The following MPRIP variants were observed in gnomAD, a reference collection of about 807,000 sequenced individuals.
The protein encoded by MPRIP is myosin phosphatase Rho interacting protein.
Under a neutral mutation model 234.9 loss-of-function variants are expected in MPRIP, and 59 were observed. The ratio of observed to expected loss-of-function variants is 0.25; its 90% CI spans 0.20 to 0.31. The LOEUF (loss-of-function observed/expected upper bound fraction) is 0.31. Ranked by LOEUF, MPRIP falls within the 10% of genes least tolerant of loss-of-function variation. MPRIP has a pLI of 1.00. For missense variants in MPRIP, 2,436 were observed against 3,071.0 expected (o/e 0.79, Z 4.89); for synonymous variants, 1,144 against 1,263.9 (o/e 0.91, Z 2.01).
intron 3 of MPRIP, among the ~76,000 whole-genome samples, chr17:17,099,761 T>C (rs778117747): frequency 6.6e-6 from 1 of 152,082 alleles, no homozygotes; most frequent in Admixed American, 6.6e-5. Flanking sequence ...ATAAAAAATA[T>C]ATAAAGATTG....
chr17:17,053,002 T>A (rs931996462), intron 1 of MPRIP, among the ~76,000 whole-genome samples: 1 of 152,032 alleles, frequency 6.6e-6, no homozygotes, highest in South Asian at 2.1e-4. Flanking sequence ...GAGCCCCAGC[T>A]GAGCCAGAGA....
rs1258191303 is a variant in MPRIP at position 17,166,246 on chromosome 17, C to A, written c.4655C>A (p.Ser1552Tyr). 7.7e-7 allele frequency: 1 copy of A among 1,304,054 alleles called. No homozygotes were observed. The highest frequency in any genetic ancestry group is 2.3e-5 in the Admixed American group (1 of 43,546). The allele number at this position is 1,304,054 out of a possible 1,614,324, so 80.8% of individuals were successfully genotyped here. A position where few individuals can be genotyped will look rare whatever the true frequency, so the allele number is the denominator to read the frequency against. Residue 1552 changes from serine to tyrosine, a missense_variant, in exon 16 of 24, where the codon TCC becomes TAC. Coordinates refer to ENST00000651222, the MANE Select transcript of MPRIP (RefSeq NM_001364716.4). The surrounding 1 kb of genome is among the most constrained non-coding windows in gnomAD (Gnocchi z 4.4). The part of the protein sequence containing the change: ...NGKPASLQQC[S>Y]QSELTEQEQV... ...AAGCCTGCCTCCCTGCAGCAGTGCT[C>A]CCAGTCTGAGTTGACAGAGCAGGAG...
At chr17:17,159,898 G>GT (rs1255019839) in intron 14 of MPRIP, among the ~76,000 whole-genome samples, 1 of 152,194 alleles carries the variant, frequency 6.6e-6, no homozygotes, top group Non-Finnish European at 1.5e-5. Context: ...ATGAGGCTGA[G>GT]TTACCACCAG....
chr17:17,114,969 G>A (rs2090254496), intron 3 of MPRIP, among the ~76,000 whole-genome samples: 1 of 152,252 alleles, frequency 6.6e-6, no homozygotes, highest in South Asian at 2.1e-4. Context: ...TTCTAACTAT[G>A]CCCCTGGGAA....
intron 13 of MPRIP, among the ~76,000 whole-genome samples, chr17:17,157,628 A>AG (rs1356332313): frequency 6.6e-6 from 1 of 152,202 alleles, no homozygotes; most frequent in East Asian, 1.9e-4. Context: ...CAGGAGTTTG[A>AG]GACCAGCCTG....
intron 2 of MPRIP, chr17:17,076,932 T>G (rs550999428): frequency 7.0e-6 from 1 of 142,758 alleles, no homozygotes; most frequent in South Asian, 2.2e-4. Context: ...TGTTGGGCTC[T>G]TTGCTTTTTT....
chr17:17,181,308 C>T (rs1597528808), intron 23 of MPRIP, among the ~76,000 whole-genome samples: 3 of 152,196 alleles, frequency 2.0e-5, no homozygotes, highest in South Asian at 2.1e-4. Flanking sequence ...GAGTAGTTGC[C>T]GGCTCAGTAG....
intron 3 of MPRIP, among the ~76,000 whole-genome samples, chr17:17,122,963 T>C (rs1262002447): frequency 6.6e-6 from 1 of 152,176 alleles, no homozygotes; most frequent in Non-Finnish European, 1.5e-5. Flanking sequence ...ATGGAAACAG[T>C]CCAAATGTCC....
Position 17,171,577 on chromosome 17 carries a change from C to T in MPRIP, c.6325-141C>T, listed in dbSNP as rs187715113. 3,111 of 1,025,406 alleles carry T rather than the reference C, an allele frequency of 3.0e-3. 7 individuals are homozygous for T. Among genetic ancestry groups the T allele is most frequent in the Non-Finnish European group, 3.6e-3 (2,503 of 693,752 alleles). The allele number at this position is 1,025,406 out of a possible 1,614,324, so 63.5% of individuals were successfully genotyped here. On this transcript the variant is annotated intron_variant, in intron 16 of 23. Transcript: ENST00000651222. ...ACAGCCCCAGGGATCCTGTTCAGGG[C>T]GCCCATGGTGGAGCAAGCTCAGTGA...
chr17:17,061,593 G>A (rs1270087169), intron 1 of MPRIP, among the ~76,000 whole-genome samples: 4 of 152,224 alleles, frequency 2.6e-5, no homozygotes, highest in African/African-American at 9.6e-5. Flanking sequence ...GTCCAGAGAA[G>A]TCTTTGCCCC....
At chr17:17,151,041 T>TATTATTATTATTATTATCATC in intron 12 of MPRIP, among the ~76,000 whole-genome samples, 1 of 149,984 alleles carries the variant, frequency 6.7e-6, no homozygotes, top group African/African-American at 2.5e-5. Context: ...TTATTATTAT[T>TATTATTATTATTATTATCATC]ATCATTATTT....
Position 17,078,183 on chromosome 17 carries a change from T to A in MPRIP, c.267+107T>A, listed in dbSNP as rs917864163. On this transcript the variant is annotated intron_variant, in intron 3 of 23. Transcript: ENST00000651222. The surrounding 1 kb of genome is among the most constrained non-coding windows in gnomAD (Gnocchi z 4.3). ...AGCACAGCAGCCATGTGCTCCTGCT[T>A]GTGTCTGTTTGGGAGTGTGGAATGT... The A allele has an allele frequency of 3.4e-6, 4 of 1,181,306 alleles. No individual in the cohort carries two copies. The African/African-American group carries it at 6.0e-5, about 18-fold the overall frequency. 73.2% of individuals were successfully genotyped at this position (1,181,306 alleles called of 1,614,324 possible).
At chr17:17,050,038 T>G (rs1054465855) in intron 1 of MPRIP, among the ~76,000 whole-genome samples, 2 of 146,782 alleles carry the variant, frequency 1.4e-5, no homozygotes, top group African/African-American at 5.1e-5. Flanking sequence ...ATACAATAAA[T>G]TAGTCGGGGC....
intron 20 of MPRIP, among the ~76,000 whole-genome samples, chr17:17,176,208 A>G (rs1271151051): frequency 6.6e-6 from 1 of 152,126 alleles, no homozygotes; most frequent in Admixed American, 6.5e-5. Context: ...AGTCCTTGGC[A>G]CTGGGAGGAA....
intron 7 of MPRIP, among the ~76,000 whole-genome samples, chr17:17,139,161 C>G (rs1372961862): frequency 6.6e-6 from 1 of 152,244 alleles, no homozygotes; most frequent in African/African-American, 2.4e-5. Flanking sequence ...CTGCCCTGCC[C>G]TTGTTCTCCA....
chr17:17,105,685 T>C (rs2090049711), intron 3 of MPRIP, among the ~76,000 whole-genome samples: 1 of 152,144 alleles, frequency 6.6e-6, no homozygotes, highest in Non-Finnish European at 1.5e-5. Flanking sequence ...TGAGATACTT[T>C]TCAGTGAGGG....
intron 3 of MPRIP, among the ~76,000 whole-genome samples, chr17:17,113,148 T>C (rs1439139200): frequency 1.3e-5 from 2 of 152,182 alleles, no homozygotes; most frequent in African/African-American, 4.8e-5. Flanking sequence ...TGCAGTCTCT[T>C]CTTCCACTGA....
chr17:17,167,797 GC>G lies in MPRIP; in HGVS notation c.6207del (p.Ile2070SerfsTer68). ...GACTCCATGACGGGGCTGAGGGAGC[GC>G]ATCCAGGAGCTGGAGGCCCAGATGG... ...EADSMTGLRERIQELEAQMDV... is the reference protein window; with the variant it reads ...EADSMTGLREXIQELEAQMDV... On this transcript the variant is annotated frameshift_variant, in exon 16 of 24. Coordinates refer to ENST00000651222, the MANE Select transcript of MPRIP (RefSeq NM_001364716.4). LOFTEE classifies it high-confidence loss of function. The surrounding 1 kb of genome is among the most constrained non-coding windows in gnomAD (Gnocchi z 5.9). 1 of 1,304,210 alleles carries G rather than the reference GC, an allele frequency of 7.7e-7. No homozygotes were observed. Among genetic ancestry groups the G allele is most frequent in the Non-Finnish European group, 1.0e-6 (1 of 988,964 alleles). 80.8% of individuals were successfully genotyped at this position (1,304,210 alleles called of 1,614,324 possible).
In MPRIP at chr17:17,042,547, C is replaced by G. The variant is rs1344457075; in HGVS notation, c.-302C>G. On this transcript the variant is annotated 5_prime_UTR_variant, in exon 1 of 24. Transcript: ENST00000651222. ...CGCGGACGAGCCGGGACGGCGGCGA[C>G]CGGAGCCTGAGAGGCGGGCCGCAGC... is the stretch of plus-strand genomic sequence containing the variant. The G allele has an allele frequency of 6.8e-6, 1 of 147,734 alleles. No homozygotes were observed. Among genetic ancestry groups the G allele is most frequent in the East Asian group, 2.0e-4 (1 of 5,096 alleles). 9.2% of individuals were successfully genotyped at this position (147,734 alleles called of 1,614,324 possible).
Sources: gnomAD v4.1 joint callset for allele counts (sites outside exome capture counted in the v4.1 genomes callset) on GRCh38, gnomAD v4.1.1 for gene constraint, Gnocchi (gnomAD v3.1) non-coding constraint, MANE v1.5 for transcripts, NCBI Gene and HGNC (gene_info 2026-07-23, HGNC 2026-07-21) for gene names.